Variants in VGLL2 observed in about 807,000 individuals in gnomAD.
VGLL2 encodes the protein transcription cofactor vestigial-like protein 2.
A neutral mutation model predicts 27.0 loss-of-function variants in VGLL2; 18 were observed. The observed-to-expected ratio is 0.67, with a 90% CI of 0.46 to 0.99. VGLL2 has a LOEUF of 0.99. Among genes scored for constraint, VGLL2 ranks in the 50% least tolerant of loss-of-function variants. The pLI is 0.00. For synonymous variants in VGLL2, 220 were observed against 201.1 expected (o/e 1.09, Z -0.80); for missense variants, 491 against 452.3 (o/e 1.09, Z -0.78).
In VGLL2 at chr6:117,272,607, C is replaced by T; in HGVS notation, c.*113C>T. On this transcript the variant is annotated 3_prime_UTR_variant, in exon 4 of 4. Transcript: ENST00000326274. ...CATGGGGGAAGGCAGAGACTTCAGA[C>T]TTCTCAGTGTGTTGGGAAAACCAAA... 5 of 1,498,482 alleles carry T rather than the reference C, an allele frequency of 3.3e-6. No individual in the cohort carries two copies. The highest frequency in any genetic ancestry group is 2.0e-5 in the Admixed American group (1 of 50,920). 92.8% of individuals were successfully genotyped at this position (1,498,482 alleles called of 1,614,324 possible).
At position 117,270,393 on chromosome 6, in the gene VGLL2, G is replaced by GC; in HGVS notation, c.392-147dup. On this transcript the variant is annotated intron_variant, in intron 2 of 3. Coordinates refer to ENST00000326274, the MANE Select transcript of VGLL2 (RefSeq NM_182645.3). ...AAACGCCGCTGCAGAGGCGGGGGCT[G>GC]CCCATCAGCCCCGGCCATGGCTAGC... 3.0e-6 allele frequency: 3 copies of GC among 1,005,566 alleles called. No homozygotes were observed. In the East Asian group the frequency reaches 9.8e-5, roughly 33 times the overall value. 62.3% of individuals were successfully genotyped at this position (1,005,566 alleles called of 1,614,324 possible).
In VGLL2 at chr6:117,270,776, G is replaced by T. The variant is rs746693608; in HGVS notation, c.625G>T (p.Ala209Ser). The T allele has an allele frequency of 6.9e-7, 1 of 1,458,810 alleles. No individual in the cohort carries two copies. The highest frequency in any genetic ancestry group is 1.5e-5 in the African/African-American group (1 of 67,670). 90.4% of individuals were successfully genotyped at this position (1,458,810 alleles called of 1,614,324 possible). ...CCACGCGCACCCGCATCACCCCTACGCCCTGGGCGGCGCCCTCGGCGCCCA... is the reference window on the plus strand; with the variant it reads ...CCACGCGCACCCGCATCACCCCTACTCCCTGGGCGGCGCCCTCGGCGCCCA... ...PHHAHPHHPY[A>S]LGGALGAQAA... The change falls in exon 3 of 4, where the codon GCC becomes TCC. Residue 209 changes from alanine to serine, a missense_variant. By Grantham distance (99) the Ala-to-Ser change is moderately conservative. Transcript: ENST00000326274.
chr6:117,273,493 G>T lies in VGLL2; in HGVS notation c.*999G>T, dbSNP rs1401020138. On this transcript the variant is annotated 3_prime_UTR_variant, in exon 4 of 4. Coordinates refer to ENST00000326274, the MANE Select transcript of VGLL2 (RefSeq NM_182645.3). ...CACTTTAGTGTTGGGACAGGGGAAA[G>T]GGTCTGTGCGTGGGCAAAGCTGAAG... The T allele has an allele frequency of 6.6e-6, 1 of 152,196 alleles. No homozygotes were observed. The highest frequency in any genetic ancestry group is 1.5e-5 in the Non-Finnish European group (1 of 68,052). The allele number at this position is 152,196 out of a possible 1,614,324, so 9.4% of individuals were successfully genotyped here.
In VGLL2 at chr6:117,270,825, C is replaced by T. The variant is rs1300257556; in HGVS notation, c.674C>T (p.Ala225Val). ...GAQAAPYPRPAAVHEVYAPHF... is the reference protein window; with the variant it reads ...GAQAAPYPRPVAVHEVYAPHF... ...CAGGCCGCCCCCTACCCGCGCCCCG[C>T]CGCCGTGCACGAAGTCTACGCGCCG... The change falls in exon 3 of 4, where the codon GCC (alanine) becomes GTC (valine). Residue 225 changes from alanine to valine, a missense_variant. Physicochemically the swap from Ala to Val is moderately conservative, Grantham distance 64. Transcript: ENST00000326274. 1 of 1,430,986 alleles carries T rather than the reference C, an allele frequency of 7.0e-7. No individual in the cohort carries two copies. The allele number at this position is 1,430,986 out of a possible 1,614,324, so 88.6% of individuals were successfully genotyped here.
At position 117,272,831 on chromosome 6, in the gene VGLL2, A is replaced by C; in HGVS notation, c.*337A>C. 2.6e-6 allele frequency: 1 copy of C among 382,216 alleles called. No homozygotes were observed. Among genetic ancestry groups the C allele is most frequent in the South Asian group, 3.9e-5 (1 of 25,782 alleles). The allele number at this position is 382,216 out of a possible 1,614,324, so 23.7% of individuals were successfully genotyped here. A position where few individuals can be genotyped will look rare whatever the true frequency, so the allele number is the denominator to read the frequency against. Reference sequence around the variant, plus strand: ...AAACTTTTTGGTGTGAATATTTTTTATGCTGATGTGAATTATTTTGTTAGG... The same window carrying C: ...AAACTTTTTGGTGTGAATATTTTTTCTGCTGATGTGAATTATTTTGTTAGG... On this transcript the variant is annotated 3_prime_UTR_variant, in exon 4 of 4. Coordinates refer to ENST00000326274, the MANE Select transcript of VGLL2 (RefSeq NM_182645.3).
rs766173188 is a variant in VGLL2, at chr6:117,270,743, C to T, written c.592C>T (p.His198Tyr). The T allele has an allele frequency of 1.3e-6, 2 of 1,512,450 alleles. No individual in the cohort carries two copies. Among genetic ancestry groups the T allele is most frequent in the Non-Finnish European group, 1.8e-6 (2 of 1,140,278 alleles). 93.7% of individuals were successfully genotyped at this position (1,512,450 alleles called of 1,614,324 possible). ...CGCCACGGAGCCCTGGCACCACGCGCACCCGCACCACGCGCACCCGCATCA... is the reference window on the plus strand; with the variant it reads ...CGCCACGGAGCCCTGGCACCACGCGTACCCGCACCACGCGCACCCGCATCA... ...QGATEPWHHA[H>Y]PHHAHPHHPY... is the part of the protein sequence containing the mutation. Residue 198 changes from histidine to tyrosine, a missense_variant, in exon 3 of 4, where the codon CAC becomes TAC. Coordinates refer to ENST00000326274, the MANE Select transcript of VGLL2 (RefSeq NM_182645.3).
chr6:117,271,374 T>G (rs1773198408), intron 3 of VGLL2, among the ~76,000 whole-genome samples: 1 of 150,704 alleles, frequency 6.6e-6, no homozygotes, highest in Non-Finnish European at 1.5e-5. Context: ...GTTCTAGCTC[T>G]GCGCTGTTCA....
intron 1 of VGLL2, among the ~76,000 whole-genome samples, chr6:117,267,540 G>A (rs139704507): frequency 3.4e-4 from 52 of 152,098 alleles, no homozygotes; most frequent in Non-Finnish European, 5.3e-4. Flanking sequence ...AAAATGATCC[G>A]TGTTTCCCCA....
chr6:117,271,024 G>A lies in VGLL2; in HGVS notation c.873G>A (p.Ser291=). 8.1e-7 allele frequency: 1 copy of A among 1,232,194 alleles called. No homozygotes were observed. Among genetic ancestry groups the A allele is most frequent in the Non-Finnish European group, 1.0e-6 (1 of 990,210 alleles). The allele number at this position is 1,232,194 out of a possible 1,614,324, so 76.3% of individuals were successfully genotyped here. Residue 291 remains serine, a synonymous_variant, in exon 3 of 4, where the codon TCG becomes TCA. Coordinates refer to ENST00000326274, the MANE Select transcript of VGLL2 (RefSeq NM_182645.3). ...AGPGGPFASP[S]GDVAQGLGLS... ...CCGGGGGACCCTTCGCGAGCCCCTC[G>A]GGGGACGTGGCCCAGGGTCTGGGCC...
Position 117,272,710 on chromosome 6 carries a change from T to C in VGLL2, c.*216T>C. ...AATCCAAAGACTGAGTTATGTTTAA[T>C]GACTTTTGGCCGAATCACTGGAAAT... On this transcript the variant is annotated 3_prime_UTR_variant, in exon 4 of 4. Coordinates refer to ENST00000326274, the MANE Select transcript of VGLL2 (RefSeq NM_182645.3). 1 of 633,494 alleles carries C rather than the reference T, an allele frequency of 1.6e-6. No individual in the cohort carries two copies. Among genetic ancestry groups the C allele is most frequent in the Non-Finnish European group, 2.6e-6 (1 of 384,648 alleles). The allele number at this position is 633,494 out of a possible 1,614,324, so 39.2% of individuals were successfully genotyped here.
At chr6:117,272,420 T>C in intron 3 of VGLL2, 34 bp from the exon 4 acceptor site, 2 of 1,613,950 alleles carry the variant, frequency 1.2e-6, no homozygotes, top group South Asian at 2.2e-5. Flanking sequence ...TGAAATGGAG[T>C]GGGTTTGTAA....
At chr6:117,270,409 C>T in intron 2 of VGLL2, 134 bp from the exon 3 acceptor site, 1 of 1,181,466 alleles carries the variant, frequency 8.5e-7, no homozygotes, top group South Asian at 1.7e-5. Context: ...CAGCCCCGGC[C>T]ATGGCTAGCC....
At chr6:117,270,010 G>A (rs1366168396) in intron 2 of VGLL2, among the ~76,000 whole-genome samples, 2 of 152,190 alleles carry the variant, frequency 1.3e-5, no homozygotes, top group Non-Finnish European at 2.9e-5. Flanking sequence ...CAGTCTGTCA[G>A]AGACGTTAGG....
At chr6:117,266,481 A>G (rs1056799469) in intron 1 of VGLL2, among the ~76,000 whole-genome samples, 1 of 152,220 alleles carries the variant, frequency 6.6e-6, no homozygotes, top group Non-Finnish European at 1.5e-5. Flanking sequence ...CGAGCCTGAT[A>G]GACAATACTT....
intron 1 of VGLL2, 75 bp downstream of exon 1, chr6:117,265,919 G>T: frequency 7.3e-7 from 1 of 1,365,048 alleles, no homozygotes; most frequent in Non-Finnish European, 1.0e-6. Flanking sequence ...GTACGCCAAG[G>T]TCTGCTGTGC....
rs1773127794 is a variant in VGLL2, at chr6:117,269,100, A to G, written c.391+609A>G. Among the ~76,000 whole-genome samples the G allele has an allele frequency of 2.6e-5, 4 of 152,346 alleles. No individual in the cohort carries two copies. In the South Asian group the frequency reaches 8.3e-4, roughly 32 times the overall value. ...GCAGAAGCGTCTCAATAGCAAGTAA[A>G]ATAACAAAGAAACAAAAATTTAGAT... On this transcript the variant is annotated intron_variant, in intron 2 of 3. Coordinates refer to ENST00000326274, the MANE Select transcript of VGLL2 (RefSeq NM_182645.3).
Position 117,270,889 on chromosome 6 carries a change from C to A in VGLL2, c.738C>A (p.Ala246=), listed in dbSNP as rs1773178452. ...DPRYGPLLMP[A]ASGRPARLAT... ...GCTATGGGCCGCTGCTGATGCCAGCCGCCTCGGGGCGCCCGGCCCGCCTCG... is the reference window on the plus strand; with the variant it reads ...GCTATGGGCCGCTGCTGATGCCAGCAGCCTCGGGGCGCCCGGCCCGCCTCG... Residue 246 remains alanine, a synonymous_variant, in exon 3 of 4, where the codon GCC becomes GCA. Transcript: ENST00000326274. 1 of 1,283,218 alleles carries A rather than the reference C, an allele frequency of 7.8e-7. No homozygotes were observed. Among genetic ancestry groups the A allele is most frequent in the Admixed American group, 3.8e-5 (1 of 26,228 alleles). 79.5% of individuals were successfully genotyped at this position (1,283,218 alleles called of 1,614,324 possible).
downstream of VGLL2, chr6:117,273,570 AC>A (rs1249885224): frequency 6.6e-6 from 1 of 152,032 alleles, no homozygotes; most frequent in Admixed American, 6.6e-5. Context: ...CTATGAGCTC[AC>A]TGTGTTGTTT....
intron 2 of VGLL2, among the ~76,000 whole-genome samples, chr6:117,268,791 G>T (rs901586886): frequency 5.9e-5 from 9 of 152,118 alleles, no homozygotes; most frequent in Non-Finnish European, 1.2e-4. Context: ...TCTATTTACT[G>T]CTCTCTTAAA....
Sources: allele counts gnomAD v4.1 joint callset (sites outside exome capture counted in the v4.1 genomes callset), GRCh38; gene constraint gnomAD v4.1.1; transcripts MANE v1.5; gene names NCBI Gene and HGNC (gene_info 2026-07-23, HGNC 2026-07-21).